FAM168A: variants seen among roughly 807,000 people sequenced by gnomAD.
The protein encoded by FAM168A is family with sequence similarity 168 member A.
A neutral mutation model predicts 28.5 loss-of-function variants in FAM168A; 3 were observed. The observed-to-expected ratio is 0.11, with a 90% CI of 0.05 to 0.27. The LOEUF is 0.27. Among genes scored for constraint, FAM168A ranks in the 10% least tolerant of loss-of-function variants. FAM168A has a pLI of 1.00. For missense variants in FAM168A, 222 were observed against 311.5 expected (o/e 0.71, Z 2.16); for synonymous variants, 122 against 124.2 (o/e 0.98, Z 0.12).
intron 4 of FAM168A, among the ~76,000 whole-genome samples, chr11:73,416,193 T>C (rs889585829): frequency 3.3e-5 from 5 of 152,260 alleles, no homozygotes; most frequent in Non-Finnish European, 5.9e-5. Context: ...CTATTCTTTC[T>C]CTTAGGTTCC....
At chr11:73,555,496 G>A (rs1225693766) in intron 1 of FAM168A, among the ~76,000 whole-genome samples, 2 of 152,006 alleles carry the variant, frequency 1.3e-5, no homozygotes, top group African/African-American at 2.4e-5. Flanking sequence ...CTTGAGGTCA[G>A]GAGCTCGAGA....
intron 1 of FAM168A, among the ~76,000 whole-genome samples, chr11:73,504,256 C>T (rs776011140): frequency 6.6e-6 from 1 of 152,084 alleles, no homozygotes; most frequent in Non-Finnish European, 1.5e-5. Context: ...ATCTACCGAT[C>T]TGATAAAGGT....
intron 1 of FAM168A, among the ~76,000 whole-genome samples, chr11:73,567,817 T>C (rs1032948409): frequency 6.6e-6 from 1 of 152,174 alleles, no homozygotes; most frequent in Non-Finnish European, 1.5e-5. Context: ...TCATTGAGAA[T>C]GCAGATGAGG....
chr11:73,566,055 A>G (rs1040843089), intron 1 of FAM168A, among the ~76,000 whole-genome samples: 2 of 152,264 alleles, frequency 1.3e-5, no homozygotes, highest in Non-Finnish European at 2.9e-5. Context: ...AATGACTGCC[A>G]TATTTCAAGC....
At chr11:73,494,820 C>T (rs1043194342) in intron 1 of FAM168A, among the ~76,000 whole-genome samples, 2 of 151,882 alleles carry the variant, frequency 1.3e-5, no homozygotes, top group African/African-American at 2.4e-5. Context: ...GCCAACATGG[C>T]GAAACCCCAT....
intron 2 of FAM168A, among the ~76,000 whole-genome samples, chr11:73,438,097 TTCATCATCA>T (rs753245511): frequency 6.6e-6 from 1 of 151,976 alleles, no homozygotes; most frequent in Non-Finnish European, 1.5e-5. Flanking sequence ...GCATCCAGAT[TTCATCATCA>T]TCATCATCAT....
chr11:73,411,535 T>C lies in FAM168A; in HGVS notation c.279A>G (p.Arg93=). 6.2e-7 allele frequency: 1 copy of C among 1,614,026 alleles called. No homozygotes were observed. Among genetic ancestry groups the C allele is most frequent in the African/African-American group, 1.3e-5 (1 of 74,980 alleles). ...RTYQASSAAF[R]YTAGTPYKVP... is the part of the protein sequence containing the mutation. ...CCTTGTATGGTGTCCCCGCAGTATA[T>C]CCTGTACCAAGGCAATAAGAGAGAC... The change falls in exon 5 of 8, where the codon AGA becomes AGG. Residue 93 remains arginine (R), a splice_region_variant and synonymous_variant. Transcript: ENST00000356467.
At position 73,426,800 on chromosome 11, in the gene FAM168A, C is replaced by T. The variant is rs146431034; in HGVS notation, c.151+3890G>A. ...AAAATCAGAAGCAAAGTTAGTGCTA[C>T]AATCTAGGTCTTTCAACTCCGAGTT... On this transcript the variant is annotated intron_variant, in intron 3 of 7. Transcript: ENST00000356467. 2.4e-4 allele frequency among the ~76,000 whole-genome samples: 37 copies of T among 151,802 alleles called. No individual in the cohort carries two copies. In the Middle Eastern group the frequency reaches 0.014, roughly 56 times the overall value.
At chr11:73,510,732 T>C (rs80108796) in intron 1 of FAM168A, 4 of 375,712 alleles carry the variant, frequency 1.1e-5, no homozygotes, top group African/African-American at 8.3e-5. Context: ...CATTTGGATA[T>C]ATAGGTATGG....
rs73546723 is a variant in FAM168A at position 73,541,738 on chromosome 11, A to G, written c.-19+56185T>C. On this transcript the variant is annotated intron_variant, in intron 1 of 7. Transcript: ENST00000356467. ...ATCTAGGTCCCATAGATTTGTTATG[A>G]TGATTAAATGAGATAAACTTATGAA... Among the ~76,000 whole-genome samples, 993 of 152,296 alleles carry G rather than the reference A, an allele frequency of 6.5e-3. 12 individuals carry two copies. The highest frequency in any genetic ancestry group is 0.023 in the African/African-American group (958 of 41,548).
At chr11:73,422,787 CGAGA>C (rs34383017) in intron 3 of FAM168A, among the ~76,000 whole-genome samples, 2 of 151,422 alleles carry the variant, frequency 1.3e-5, no homozygotes, top group African/African-American at 4.8e-5. Context: ...CTCAATTAAA[CGAGA>C]GAGAGAGAGA....
rs562781869 is a variant in FAM168A, at chr11:73,426,338, T to A, written c.151+4352A>T. 8.7e-4 allele frequency among the ~76,000 whole-genome samples: 132 copies of A among 152,304 alleles called. 2 individuals carry two copies. The South Asian group carries it at 0.026, about 30-fold the overall frequency. Reference sequence around the variant, plus strand: ...TGGGAAAAAGCTCCAAATACCCACATTGCTTTCAGAACCAATGAAAAGAGT... The same window carrying A: ...TGGGAAAAAGCTCCAAATACCCACAATGCTTTCAGAACCAATGAAAAGAGT... On this transcript the variant is annotated intron_variant, in intron 3 of 7. Transcript: ENST00000356467.
chr11:73,582,455 G>A (rs924955465), intron 1 of FAM168A, among the ~76,000 whole-genome samples: 2 of 151,624 alleles, frequency 1.3e-5, no homozygotes, highest in African/African-American at 2.4e-5. Flanking sequence ...CCCAGGAGGC[G>A]GAGCTTGCAG....
intron 2 of FAM168A, among the ~76,000 whole-genome samples, chr11:73,453,903 T>A (rs929542630): frequency 6.6e-6 from 1 of 152,166 alleles, no homozygotes. Context: ...CATACATAAC[T>A]AATAGAAAGC....
At chr11:73,444,861 T>C (rs766593798) in intron 2 of FAM168A, among the ~76,000 whole-genome samples, 9 of 152,224 alleles carry the variant, frequency 5.9e-5, no homozygotes, top group Non-Finnish European at 1.0e-4. Context: ...AGATATACAA[T>C]TATTAGTGTT....
intron 1 of FAM168A, among the ~76,000 whole-genome samples, chr11:73,500,669 G>A (rs1018276748): frequency 6.6e-6 from 1 of 152,068 alleles, no homozygotes; most frequent in Non-Finnish European, 1.5e-5. Context: ...GGCCTGCCCT[G>A]CAAGAGCTGC....
chr11:73,545,193 T>C (rs1303977940), intron 1 of FAM168A, among the ~76,000 whole-genome samples: 1 of 148,464 alleles, frequency 6.7e-6, no homozygotes, highest in Non-Finnish European at 1.5e-5. Context: ...ATCCAGCTAA[T>C]TTTTGTATTT....
chr11:73,481,567 G>A (rs1410521655), intron 1 of FAM168A, among the ~76,000 whole-genome samples: 2 of 152,208 alleles, frequency 1.3e-5, no homozygotes, highest in African/African-American at 4.8e-5. Flanking sequence ...GCAATCCTCA[G>A]AGTCTCTCTT....
At chr11:73,484,737 T>C (rs981270965) in intron 1 of FAM168A, among the ~76,000 whole-genome samples, 4 of 144,186 alleles carry the variant, frequency 2.8e-5, no homozygotes, top group Non-Finnish European at 4.5e-5. Flanking sequence ...TATATCGATA[T>C]ATAGATATAT....
Sources: gnomAD v4.1 joint callset for allele counts (sites outside exome capture counted in the v4.1 genomes callset) on GRCh38, gnomAD v4.1.1 for gene constraint, MANE v1.5 for transcripts, NCBI Gene and HGNC (gene_info 2026-07-23, HGNC 2026-07-21) for gene names.